Variants in ITIH2 observed in about 807,000 individuals in gnomAD.
ITIH2 encodes inter-alpha-trypsin inhibitor heavy chain H2.
A neutral mutation model predicts 104.4 loss-of-function variants in ITIH2; 103 were observed. That is an observed-to-expected ratio of 0.99 (90% CI 0.84 to 1.16). The LOEUF (loss-of-function observed/expected upper bound fraction) is 1.16. Ranked by LOEUF, ITIH2 falls within the 50% of genes most tolerant of loss-of-function variation. ITIH2 has a pLI of 0.00. For synonymous variants in ITIH2, 436 were observed against 435.4 expected (o/e 1.00, Z -0.02); for missense variants, 1,108 against 1,162.4 (o/e 0.95, Z 0.68).
chr10:7,726,718 C>T (rs1312217625), intron 9 of ITIH2, among the ~76,000 whole-genome samples: 2 of 152,184 alleles, frequency 1.3e-5, no homozygotes, highest in East Asian at 3.8e-4. Context: ...ACTAGTCAAA[C>T]TGGTTGTGCA....
intron 4 of ITIH2, among the ~76,000 whole-genome samples, chr10:7,710,873 C>T (rs536722056): frequency 3.3e-5 from 5 of 151,972 alleles, no homozygotes; most frequent in Admixed American, 3.3e-4. Flanking sequence ...ATTTTTAAAC[C>T]ACACAATCAG....
chr10:7,731,110 G>T (rs1004822598), intron 12 of ITIH2, among the ~76,000 whole-genome samples: 2 of 151,946 alleles, frequency 1.3e-5, no homozygotes, highest in African/African-American at 4.8e-5. Context: ...GAAGAGACAG[G>T]GTTTACCATG....
rs776346637 is a variant in ITIH2, at chr10:7,744,174, A to T, written c.2302A>T (p.Ser768Cys). 5.6e-6 allele frequency: 9 copies of T among 1,614,176 alleles called. No homozygotes were observed. The highest frequency in any genetic ancestry group is 7.6e-6 in the Non-Finnish European group (9 of 1,179,998). The change falls in exon 18 of 21, where the codon AGT becomes TGT. Residue 768 changes from serine to cysteine, a missense_variant. Coordinates refer to ENST00000358415, the MANE Select transcript of ITIH2 (RefSeq NM_002216.3). ...YFGKLGFYFQ[S>C]EDIKIEISTE... ...TGGAAAACTGGGATTTTATTTCCAA[A>T]GTGAAGACATAAAAATAGAAATCAG...
At chr10:7,732,939 G>A (rs1258427563) in intron 14 of ITIH2, among the ~76,000 whole-genome samples, 1 of 152,152 alleles carries the variant, frequency 6.6e-6, no homozygotes, top group Non-Finnish European at 1.5e-5. Context: ...ATGTTAGCCA[G>A]GATGGTCTCG....
chr10:7,730,450 C>T (rs765950250), intron 12 of ITIH2, among the ~76,000 whole-genome samples: 9 of 152,188 alleles, frequency 5.9e-5, no homozygotes, highest in Non-Finnish European at 1.3e-4. Flanking sequence ...GTCTTCTTAT[C>T]ATCATGGCCA....
intron 19 of ITIH2, among the ~76,000 whole-genome samples, chr10:7,745,349 A>C (rs1408993018): frequency 6.6e-6 from 1 of 152,198 alleles, no homozygotes; most frequent in Non-Finnish European, 1.5e-5. Flanking sequence ...GTGACATCAC[A>C]AACAAAACTT....
Position 7,749,180 on chromosome 10 carries a change from CTTGCAGGGG to C in ITIH2, c.2694-6_2696del. ...TCCCCCTAACCACATGCCTTGCTTC[CTTGCAGGGG>C]CTTACAGAAAGACTACAGAACGGAT... On this transcript the variant is annotated splice_acceptor_variant and splice_polypyrimidine_tract_variant and coding_sequence_variant and intron_variant, in exon 21 of 21. Coordinates refer to ENST00000358415, the MANE Select transcript of ITIH2 (RefSeq NM_002216.3). LOFTEE classifies it high-confidence loss of function. The C allele has an allele frequency of 6.2e-7, 1 of 1,613,836 alleles. No individual in the cohort carries two copies. The highest frequency in any genetic ancestry group is 1.1e-5 in the South Asian group (1 of 91,046).
chr10:7,746,673 G>A lies in ITIH2; in HGVS notation c.2662G>A (p.Glu888Lys). 1.2e-6 allele frequency: 2 copies of A among 1,613,574 alleles called. No individual in the cohort carries two copies. Among genetic ancestry groups the A allele is most frequent in the Non-Finnish European group, 1.7e-6 (2 of 1,179,548 alleles). The change falls in exon 20 of 21, where the codon GAA (glutamate) becomes AAA (lysine). Residue 888 changes from glutamate to lysine, a missense_variant. Transcript: ENST00000358415. ...KDPEKPEASM[E>K]VKGQKLIITR... is the part of the protein sequence containing the mutation. The stretch of plus-strand genomic sequence containing the variant: ...CCCTGAGAAGCCAGAGGCCAGCATG[G>A]AAGTGAAGGGGCAGAAGCTGATCAT...
intron 14 of ITIH2, among the ~76,000 whole-genome samples, chr10:7,734,088 G>A (rs61836660): frequency 0.12 from 18,472 of 152,114 alleles, 1,168 homozygotes; most frequent in Admixed American, 0.19. Context: ...GGAGCACAGA[G>A]CATTTTTATG....
intron 17 of ITIH2, among the ~76,000 whole-genome samples, chr10:7,743,800 T>G (rs978034844): frequency 6.6e-6 from 1 of 151,862 alleles, no homozygotes; most frequent in East Asian, 1.9e-4. Flanking sequence ...AACAAAAAAT[T>G]TAAATACTAT....
intron 4 of ITIH2, among the ~76,000 whole-genome samples, chr10:7,712,070 C>T (rs1834801007): frequency 4.6e-5 from 7 of 152,170 alleles, no homozygotes; most frequent in Admixed American, 3.9e-4. Flanking sequence ...CACCTTCCCC[C>T]TTTTTCTTTA....
chr10:7,725,289 T>C (rs1834942055), intron 9 of ITIH2, among the ~76,000 whole-genome samples: 1 of 152,188 alleles, frequency 6.6e-6, no homozygotes, highest in Non-Finnish European at 1.5e-5. Context: ...AGAAGACCTC[T>C]GAGGAGACCC....
intron 5 of ITIH2, 41 bp downstream of exon 5, chr10:7,713,326 G>T (rs1208406535): frequency 6.7e-7 from 1 of 1,486,376 alleles, no homozygotes; most frequent in South Asian, 1.2e-5. Flanking sequence ...GCCTCTCAAT[G>T]ACGGTTTCCT....
intron 4 of ITIH2, among the ~76,000 whole-genome samples, chr10:7,712,605 G>A (rs952071242): frequency 6.6e-6 from 1 of 152,096 alleles, no homozygotes; most frequent in Non-Finnish European, 1.5e-5. Flanking sequence ...CAAAGATGAG[G>A]AAAAATCTAT....
chr10:7,711,299 G>A (rs187523690), intron 4 of ITIH2, among the ~76,000 whole-genome samples: 46 of 152,200 alleles, frequency 3.0e-4, no homozygotes, highest in East Asian at 7.7e-4. Flanking sequence ...ATACTATTCC[G>A]TCCTTCATTC....
Position 7,727,711 on chromosome 10 carries a change from A to T in ITIH2, c.1162A>T (p.Ile388Phe), listed in dbSNP as rs1430093183. 1 of 1,614,164 alleles carries T rather than the reference A, an allele frequency of 6.2e-7. No individual in the cohort carries two copies. The highest frequency in any genetic ancestry group is 8.5e-7 in the Non-Finnish European group (1 of 1,179,998). The stretch of plus-strand genomic sequence containing the variant: ...TTATGCTACTTCAACAGGCACAAAC[A>T]TCAACGAAGCACTCCTACGGGCAAT... ...EKIQPSGGTN[I>F]NEALLRAIFI... The change falls in exon 11 of 21, where the codon ATC becomes TTC. Residue 388 changes from isoleucine to phenylalanine, a missense_variant. Ile to Phe is a conservative substitution (Grantham distance 21). Transcript: ENST00000358415.
rs191478290 is a variant in ITIH2 at position 7,716,628 on chromosome 10, C to T, written c.468-998C>T. Among the ~76,000 whole-genome samples, 690 of 149,528 alleles carry T rather than the reference C, an allele frequency of 4.6e-3. 7 individuals are homozygous for T. The highest frequency in any genetic ancestry group is 0.016 in the African/African-American group (661 of 40,858). On this transcript the variant is annotated intron_variant, in intron 5 of 20. Coordinates refer to ENST00000358415, the MANE Select transcript of ITIH2 (RefSeq NM_002216.3). ...GCGCATGCCTGTAGTCCCAGCTACT[C>T]GGGATGCTGAGGTAGGAGAATAGCT...
intron 4 of ITIH2, among the ~76,000 whole-genome samples, chr10:7,711,720 G>T (rs1322550260): frequency 6.6e-6 from 1 of 152,136 alleles, no homozygotes; most frequent in African/African-American, 2.4e-5. Flanking sequence ...ATTTGGGGCA[G>T]GAAAATTCTT....
chr10:7,704,105 C>T (rs554557038), intron 1 of ITIH2, among the ~76,000 whole-genome samples: 52 of 152,206 alleles, frequency 3.4e-4, no homozygotes, highest in Non-Finnish European at 4.9e-4. Context: ...CCACTTTTGT[C>T]CCTTAGCCAT....
Sources: gnomAD v4.1 joint callset for allele counts (sites outside exome capture counted in the v4.1 genomes callset) on GRCh38, gnomAD v4.1.1 for gene constraint, MANE v1.5 for transcripts, NCBI Gene and HGNC (gene_info 2026-07-23, HGNC 2026-07-21) for gene names.